MRRF: variants seen among roughly 807,000 people sequenced by gnomAD.
MRRF encodes ribosome-recycling factor, mitochondrial.
A neutral mutation model predicts 25.1 loss-of-function variants in MRRF; 18 were observed. The ratio of observed to expected loss-of-function variants is 0.72; its 90% CI spans 0.50 to 1.06. The LOEUF (loss-of-function observed/expected upper bound fraction) is 1.06. MRRF is among the 50% of genes least tolerant of loss of function. MRRF has a pLI of 0.00. For synonymous variants in MRRF, 113 were observed against 112.1 expected (o/e 1.01, Z -0.05); for missense variants, 323 against 319.3 (o/e 1.01, Z -0.09).
chr9:122,283,092 ATTT>A (rs546491734), intron 3 of MRRF, among the ~76,000 whole-genome samples: 3 of 139,218 alleles, frequency 2.2e-5, no homozygotes, highest in Admixed American at 7.2e-5. Flanking sequence ...TATAAGTACA[ATTT>A]TTTTTTTTTT....
rs1225282757 is a variant in MRRF at position 122,331,215 on chromosome 9, G to C, written c.*8598G>C. On this transcript the variant is annotated 3_prime_UTR_variant, in exon 7 of 7. Coordinates refer to ENST00000344641, the MANE Select transcript of MRRF (RefSeq NM_138777.5). Reference sequence around the variant, plus strand: ...TCTTCACCCATCGGGGGCAAAATAAGTAAAATAAAAGTAATGTAGCAAATG... The same window carrying C: ...TCTTCACCCATCGGGGGCAAAATAACTAAAATAAAAGTAATGTAGCAAATG... 1 of 152,162 alleles carries C rather than the reference G, an allele frequency of 6.6e-6. No homozygotes were observed. The highest frequency in any genetic ancestry group is 1.9e-4 in the East Asian group (1 of 5,194). 9.4% of individuals were successfully genotyped at this position (152,162 alleles called of 1,614,324 possible). A position where few individuals can be genotyped will look rare whatever the true frequency, so the allele number is the denominator to read the frequency against.
At chr9:122,295,987 C>T (rs1472813119) in intron 5 of MRRF, among the ~76,000 whole-genome samples, 1 of 152,168 alleles carries the variant, frequency 6.6e-6, no homozygotes, top group Admixed American at 6.5e-5. Context: ...GAGTATGTGA[C>T]TCTTAACTAT....
chr9:122,278,241 T>TA (rs1588017191), intron 2 of MRRF, among the ~76,000 whole-genome samples: 1 of 152,188 alleles, frequency 6.6e-6, no homozygotes, highest in South Asian at 2.1e-4. Context: ...TTTATAGAAA[T>TA]AAAAAAACCC....
chr9:122,294,623 T>C (rs983323176), intron 5 of MRRF, among the ~76,000 whole-genome samples: 2 of 152,196 alleles, frequency 1.3e-5, no homozygotes, highest in African/African-American at 4.8e-5. Context: ...TTCTTTATTA[T>C]AGAGGCTGTG....
intron 5 of MRRF, among the ~76,000 whole-genome samples, chr9:122,301,095 C>T (rs1564499810): frequency 6.6e-6 from 1 of 152,142 alleles, no homozygotes; most frequent in Non-Finnish European, 1.5e-5. Flanking sequence ...GGCTCTTTCC[C>T]CCAGACTTTG....
chr9:122,283,061 A>G (rs1052584423), intron 3 of MRRF, among the ~76,000 whole-genome samples: 29 of 151,592 alleles, frequency 1.9e-4, no homozygotes, highest in East Asian at 5.8e-4. Flanking sequence ...GTCATTTAGT[A>G]TTCATAAAAA....
chr9:122,313,235 G>C lies in MRRF; in HGVS notation c.560G>C (p.Arg187Thr). ...LIRVPIPQVT[R>T]EHREMLVKLA... Reference sequence around the variant, plus strand: ...CTTTTGTCTTTTATCAGAGTAACCAGAGAGCACAGAGAAATGCTGGTGAAA... The same window carrying C: ...CTTTTGTCTTTTATCAGAGTAACCACAGAGCACAGAGAAATGCTGGTGAAA... Residue 187 changes from arginine (R) to threonine (T), a missense_variant, in exon 6 of 7, where the codon AGA (arginine) becomes ACA (threonine). Coordinates refer to ENST00000344641, the MANE Select transcript of MRRF (RefSeq NM_138777.5). The C allele has an allele frequency of 6.2e-7, 1 of 1,613,986 alleles. No homozygotes were observed. Among genetic ancestry groups the C allele is most frequent in the Non-Finnish European group, 8.5e-7 (1 of 1,179,914 alleles).
rs1835161514 is a variant in MRRF, at chr9:122,310,869, T to C, written c.552-2358T>C. On this transcript the variant is annotated intron_variant, in intron 5 of 6. Coordinates refer to ENST00000344641, the MANE Select transcript of MRRF (RefSeq NM_138777.5). Reference sequence around the variant, plus strand: ...AGGTGGAGATGATCAGATGTATTAATCACATTTGGAAAAGAATGAAAATAT... The same window carrying C: ...AGGTGGAGATGATCAGATGTATTAACCACATTTGGAAAAGAATGAAAATAT... 2.0e-5 allele frequency among the ~76,000 whole-genome samples: 3 copies of C among 152,356 alleles called. No individual in the cohort carries two copies. The South Asian group carries it at 6.2e-4, about 32-fold the overall frequency.
At chr9:122,290,280 T>C (rs941802779) in intron 4 of MRRF, among the ~76,000 whole-genome samples, 10 of 152,144 alleles carry the variant, frequency 6.6e-5, no homozygotes, top group African/African-American at 1.9e-4. Context: ...TGTCTACTCT[T>C]GGGGGTGTGA....
intron 1 of MRRF, chr9:122,265,662 A>G (rs1174392811): frequency 6.8e-6 from 6 of 883,014 alleles, no homozygotes; most frequent in Non-Finnish European, 9.7e-6. Context: ...TGGTTGAAAC[A>G]AAATCTACGT....
rs886995460 is a variant in MRRF, at chr9:122,286,685, C to A, written c.459+1398C>A. 4.6e-5 allele frequency among the ~76,000 whole-genome samples: 7 copies of A among 152,204 alleles called. No homozygotes were observed. The East Asian group carries it at 1.4e-3, about 29-fold the overall frequency. ...CTATGATCATGCCACTGCACTGCAG[C>A]CTGGGTGACAGAGCAAGACCTTGTA... On this transcript the variant is annotated intron_variant, in intron 4 of 6. Coordinates refer to ENST00000344641, the MANE Select transcript of MRRF (RefSeq NM_138777.5).
chr9:122,295,547 G>A (rs1162927099), intron 5 of MRRF, among the ~76,000 whole-genome samples: 1 of 151,708 alleles, frequency 6.6e-6, no homozygotes, highest in African/African-American at 2.4e-5. Flanking sequence ...CCAGGTTCAA[G>A]CAATTCTCCT....
chr9:122,300,293 G>A (rs1834368855), intron 5 of MRRF, among the ~76,000 whole-genome samples: 1 of 152,228 alleles, frequency 6.6e-6, no homozygotes, highest in South Asian at 2.1e-4. Flanking sequence ...GCTGGAAGCT[G>A]TCAGGCATCT....
chr9:122,322,161 C>T (rs1835928893), intron 6 of MRRF, among the ~76,000 whole-genome samples: 1 of 152,010 alleles, frequency 6.6e-6, no homozygotes. Flanking sequence ...GAGATTGAGA[C>T]CATTCTGGTG....
At chr9:122,285,788 G>C (rs985814938) in intron 4 of MRRF, 128 of 1,274,832 alleles carry the variant, frequency 1.0e-4, no homozygotes, top group Non-Finnish European at 1.3e-4. Flanking sequence ...AGACTATGAA[G>C]CAAATAAAAC....
intron 2 of MRRF, among the ~76,000 whole-genome samples, chr9:122,274,577 G>GTGTGTGT (rs1554817626): frequency 1.2e-4 from 9 of 76,116 alleles, no homozygotes; most frequent in South Asian, 4.9e-4. Flanking sequence ...TGTGTGTGTA[G>GTGTGTGT]GTAGACTTTA....
intron 4 of MRRF, among the ~76,000 whole-genome samples, chr9:122,289,768 A>G (rs1833639815): frequency 6.6e-6 from 1 of 152,068 alleles, no homozygotes; most frequent in Non-Finnish European, 1.5e-5. Context: ...GCTCATGCTT[A>G]TAAAATCCCA....
At chr9:122,301,712 T>C (rs1007859226) in intron 5 of MRRF, among the ~76,000 whole-genome samples, 1 of 151,890 alleles carries the variant, frequency 6.6e-6, no homozygotes, top group African/African-American at 2.4e-5. Flanking sequence ...CTGAGTATTC[T>C]ATGACTTTTC....
At chr9:122,306,156 A>G (rs1288621415) in intron 5 of MRRF, among the ~76,000 whole-genome samples, 1 of 152,210 alleles carries the variant, frequency 6.6e-6, no homozygotes, top group African/African-American at 2.4e-5. Flanking sequence ...AATTACTTTT[A>G]TTAATAATAT....
Sources: allele counts gnomAD v4.1 joint callset (sites outside exome capture counted in the v4.1 genomes callset), GRCh38; gene constraint gnomAD v4.1.1; transcripts MANE v1.5; gene names NCBI Gene and HGNC (gene_info 2026-07-23, HGNC 2026-07-21).